The following ST3GAL4 variants were observed in gnomAD, a reference collection of about 807,000 sequenced individuals.
The protein encoded by ST3GAL4 is ST3 beta-galactoside alpha-2,3-sialyltransferase 4.
Under a neutral mutation model 42.6 loss-of-function variants are expected in ST3GAL4, and 24 were observed. That is an observed-to-expected ratio of 0.56 (90% confidence interval 0.41 to 0.79). ST3GAL4 has a LOEUF of 0.79. ST3GAL4 is among the 30% of genes least tolerant of loss of function. ST3GAL4 has a pLI of 0.00. For synonymous variants in ST3GAL4, 135 were observed against 163.2 expected (o/e 0.83, Z 1.32); for missense variants, 311 against 430.8 (o/e 0.72, Z 2.46).
At position 126,407,559 on chromosome 11, in the gene ST3GAL4, T is replaced by C; in HGVS notation, c.281-15T>C. ...TATCTGTCACATCAGTCCCTCCGCC[T>C]GGTACTTTTTGTAGAGGATCTGCTC... On this transcript the variant is annotated splice_polypyrimidine_tract_variant and intron_variant, in intron 5 of 10. Coordinates refer to ENST00000444328, the MANE Select transcript of ST3GAL4 (RefSeq NM_001254757.2). 6.2e-7 allele frequency: 1 copy of C among 1,614,128 alleles called. No homozygotes were observed. The highest frequency in any genetic ancestry group is 8.5e-7 in the Non-Finnish European group (1 of 1,179,986).
chr11:126,371,441 G>A (rs1952642673), intron 1 of ST3GAL4, among the ~76,000 whole-genome samples: 1 of 152,116 alleles, frequency 6.6e-6, no homozygotes. Flanking sequence ...GGGATTATAG[G>A]CGTGAGCCAC....
chr11:126,397,313 G>A lies in ST3GAL4; in HGVS notation c.-60-8783G>A, dbSNP rs935701589. Among the ~76,000 whole-genome samples, 12 of 152,080 alleles carry A rather than the reference G, an allele frequency of 7.9e-5. No individual in the cohort carries two copies. The highest frequency in any genetic ancestry group is 1.6e-4 in the Non-Finnish European group (11 of 68,036). On this transcript the variant is annotated intron_variant, in intron 1 of 10. Transcript: ENST00000444328. The surrounding 1 kb of genome is among the most constrained non-coding windows in gnomAD (Gnocchi z 5.0). ...AAAGCACAGAATGATATAACACAAA[G>A]TTACATTGTACCATAAAGCATATTC...
rs907922315 is a variant in ST3GAL4 at position 126,359,467 on chromosome 11, T to C, written c.-61+3625T>C. On this transcript the variant is annotated intron_variant, in intron 1 of 10. Coordinates refer to ENST00000444328, the MANE Select transcript of ST3GAL4 (RefSeq NM_001254757.2). This position sits in a 1 kb window ranked among gnomAD's most constrained non-coding sequence, Gnocchi z 4.8. ...CTGAGCTAGGACTCAAATCCAGGCT[T>C]GCTTCCAAAACCTTCACTTTTCAGC... Among the ~76,000 whole-genome samples, 3 of 152,182 alleles carry C rather than the reference T, an allele frequency of 2.0e-5. No homozygotes were observed. Among genetic ancestry groups the C allele is most frequent in the Non-Finnish European group, 4.4e-5 (3 of 68,022 alleles).
rs572259834 is a variant in ST3GAL4, at chr11:126,357,093, C to T, written c.-61+1251C>T. Among the ~76,000 whole-genome samples, 12 of 152,326 alleles carry T rather than the reference C, an allele frequency of 7.9e-5. No individual in the cohort carries two copies. The South Asian group carries it at 1.2e-3, about 16-fold the overall frequency. ...TGCCCGATAATTCTAGAGTGGGTTC[C>T]GGGGACGTGCCCGCTGTTTGGGGCC... On this transcript the variant is annotated intron_variant, in intron 1 of 10. Transcript: ENST00000444328.
Position 126,409,443 on chromosome 11 carries a change from G to A in ST3GAL4, c.771+32G>A, listed in dbSNP as rs1954420057. The A allele has an allele frequency of 6.2e-7, 1 of 1,613,948 alleles. No homozygotes were observed. Among genetic ancestry groups the A allele is most frequent in the Non-Finnish European group, 8.5e-7 (1 of 1,179,830 alleles). On this transcript the variant is annotated intron_variant, in intron 9 of 10. Coordinates refer to ENST00000444328, the MANE Select transcript of ST3GAL4 (RefSeq NM_001254757.2). The surrounding 1 kb of genome is among the most constrained non-coding windows in gnomAD (Gnocchi z 4.9). ...ATGGGAAGTCAGGCCTGAGGGCTAG[G>A]ATCCTGGGCGGGAAGTAGGAGGGAT...
intron 1 of ST3GAL4, among the ~76,000 whole-genome samples, chr11:126,367,821 T>TC (rs533581301): frequency 8.7e-4 from 132 of 152,290 alleles, no homozygotes; most frequent in African/African-American, 3.1e-3. Flanking sequence ...GAAAGAGTAA[T>TC]CCCACATCCA....
chr11:126,381,733 C>T (rs1953011980), intron 1 of ST3GAL4, among the ~76,000 whole-genome samples: 1 of 151,830 alleles, frequency 6.6e-6, no homozygotes, highest in Admixed American at 6.6e-5. Flanking sequence ...TGGGACCTGT[C>T]TGGGGTGAGG....
chr11:126,409,159 G>T lies in ST3GAL4; in HGVS notation c.628-109G>T. On this transcript the variant is annotated intron_variant, in intron 8 of 10. Coordinates refer to ENST00000444328, the MANE Select transcript of ST3GAL4 (RefSeq NM_001254757.2). The surrounding 1 kb of genome is among the most constrained non-coding windows in gnomAD (Gnocchi z 4.9). ...TTCCTCTCACCTTGTGCTCCTGAAG[G>T]CCTCTGCCATCGCTTGGACCCCCTC... 2 of 1,368,018 alleles carry T rather than the reference G, an allele frequency of 1.5e-6. No individual in the cohort carries two copies. Among genetic ancestry groups the T allele is most frequent in the South Asian group, 2.6e-5 (2 of 77,114 alleles). The allele number at this position is 1,368,018 out of a possible 1,614,324, so 84.7% of individuals were successfully genotyped here. A position where few individuals can be genotyped will look rare whatever the true frequency, so the allele number is the denominator to read the frequency against.
In ST3GAL4 at chr11:126,391,066, T is replaced by C. The variant is rs1398525185; in HGVS notation, c.-60-15030T>C. 6.6e-6 allele frequency among the ~76,000 whole-genome samples: 1 copy of C among 152,268 alleles called. No homozygotes were observed. Among genetic ancestry groups the C allele is most frequent in the Non-Finnish European group, 1.5e-5 (1 of 68,042 alleles). On this transcript the variant is annotated intron_variant, in intron 1 of 10. Coordinates refer to ENST00000444328, the MANE Select transcript of ST3GAL4 (RefSeq NM_001254757.2). The surrounding 1 kb of genome is among the most constrained non-coding windows in gnomAD (Gnocchi z 5.5). ...TTCCATTGTATGCGTAGACCACATT[T>C]TGTGGATCCGTTCATCCACTGATGG... is the stretch of plus-strand genomic sequence containing the variant.
chr11:126,361,991 C>G (rs1392252430), intron 1 of ST3GAL4, among the ~76,000 whole-genome samples: 1 of 150,598 alleles, frequency 6.6e-6, no homozygotes, highest in Non-Finnish European at 1.5e-5. Context: ...AAGTGATTCT[C>G]CTGCCTCAGC....
In ST3GAL4 at chr11:126,406,003, A is replaced by G; in HGVS notation, c.-60-93A>G. On this transcript the variant is annotated intron_variant, in intron 1 of 10. Coordinates refer to ENST00000444328, the MANE Select transcript of ST3GAL4 (RefSeq NM_001254757.2). The surrounding 1 kb of genome is among the most constrained non-coding windows in gnomAD (Gnocchi z 5.4). The stretch of plus-strand genomic sequence containing the variant: ...GGAGCAGCTTCCTGCTTTCTGGTGG[A>G]AGGGAGGGGCAGACAGTGGGTGTGT... 1 of 1,441,100 alleles carries G rather than the reference A, an allele frequency of 6.9e-7. No individual in the cohort carries two copies. The highest frequency in any genetic ancestry group is 1.2e-5 in the South Asian group (1 of 80,464). 89.3% of individuals were successfully genotyped at this position (1,441,100 alleles called of 1,614,324 possible).
chr11:126,407,616 TCC>T lies in ST3GAL4; in HGVS notation c.326_327del (p.Pro109GlnfsTer47). 6.2e-7 allele frequency: 1 copy of T among 1,614,076 alleles called. No individual in the cohort carries two copies. The highest frequency in any genetic ancestry group is 8.5e-7 in the Non-Finnish European group (1 of 1,180,016). ...GTGCTAGCCATCACCAGCTCCTCCA[TCC>T]CCAAGAACATCCAGAGGTAAGGCGG... On this transcript the variant is annotated frameshift_variant, in exon 6 of 11. Coordinates refer to ENST00000444328, the MANE Select transcript of ST3GAL4 (RefSeq NM_001254757.2). LOFTEE classifies it high-confidence loss of function.
chr11:126,391,936 C>CGTGT lies in ST3GAL4; in HGVS notation c.-60-14127_-60-14124dup, dbSNP rs111958228. Reference sequence around the variant, plus strand: ...CTCAGAACACCTGTGATAACTTGGTCGTGTGTGTGTGTGTGTGTGTGTGTG... The same window carrying CGTGT: ...CTCAGAACACCTGTGATAACTTGGTCGTGTGTGTGTGTGTGTGTGTGTGTGTGTG... On this transcript the variant is annotated intron_variant, in intron 1 of 10. Coordinates refer to ENST00000444328, the MANE Select transcript of ST3GAL4 (RefSeq NM_001254757.2). The surrounding 1 kb of genome is among the most constrained non-coding windows in gnomAD (Gnocchi z 5.5). Among the ~76,000 whole-genome samples, 5,240 of 144,392 alleles carry CGTGT rather than the reference C, an allele frequency of 0.036. 118 individuals are homozygous for CGTGT. Among genetic ancestry groups the CGTGT allele is most frequent in the Non-Finnish European group, 0.044 (2,883 of 66,094 alleles). The allele number at this position is 144,392 out of a possible 152,430, so 94.7% of individuals were successfully genotyped here.
chr11:126,363,123 C>T lies in ST3GAL4; in HGVS notation c.-61+7281C>T, dbSNP rs940897763. The stretch of plus-strand genomic sequence containing the variant: ...ACTGAATGAGGGGCTGGCCGAGGAG[C>T]GGGTGTTGATGGAGTATGGGAGATT... On this transcript the variant is annotated intron_variant, in intron 1 of 10. Coordinates refer to ENST00000444328, the MANE Select transcript of ST3GAL4 (RefSeq NM_001254757.2). The surrounding 1 kb of genome is among the most constrained non-coding windows in gnomAD (Gnocchi z 4.6). Among the ~76,000 whole-genome samples the T allele has an allele frequency of 1.2e-4, 19 of 152,170 alleles. No homozygotes were observed. The highest frequency in any genetic ancestry group is 4.6e-4 in the African/African-American group (19 of 41,444).
chr11:126,403,839 T>A (rs907926246), intron 1 of ST3GAL4, among the ~76,000 whole-genome samples: 38 of 152,166 alleles, frequency 2.5e-4, no homozygotes, highest in African/African-American at 9.2e-4. Flanking sequence ...AATCCCCGCC[T>A]GCCCTGCACC....
rs1389779109 is a variant in ST3GAL4, at chr11:126,382,278, GGGGCGGCCAGGA to G, written c.-60-23815_-60-23804del. On this transcript the variant is annotated intron_variant, in intron 1 of 10. Coordinates refer to ENST00000444328, the MANE Select transcript of ST3GAL4 (RefSeq NM_001254757.2). ...CTGGGCAGGAGGAAACAGCCATGCAGGGGCGGCCAGGAGGACTGGGTGGCGGGTGGTTCTGGG... is the reference window on the plus strand; with the variant it reads ...CTGGGCAGGAGGAAACAGCCATGCAGGGACTGGGTGGCGGGTGGTTCTGGG... Among the ~76,000 whole-genome samples the G allele has an allele frequency of 2.7e-5, 4 of 146,148 alleles. No homozygotes were observed. The East Asian group carries it at 8.0e-4, about 29-fold the overall frequency.
chr11:126,413,792 C>A, intron 10 of ST3GAL4, 144 bp downstream of exon 10: 1 of 1,407,730 alleles, frequency 7.1e-7, no homozygotes, highest in Non-Finnish European at 9.7e-7. Context: ...GACTCCCTGG[C>A]CAGCATCCTC....
rs1953763907 is a variant in ST3GAL4, at chr11:126,396,416, G to A, written c.-60-9680G>A. 1.3e-5 allele frequency among the ~76,000 whole-genome samples: 2 copies of A among 152,044 alleles called. No individual in the cohort carries two copies. Among genetic ancestry groups the A allele is most frequent in the South Asian group, 2.1e-4 (1 of 4,834 alleles). ...TGGGATGTGGCTGCAAAAAATGGTC[G>A]GATTCATGGAAGTCTGGTGTCCAGC... On this transcript the variant is annotated intron_variant, in intron 1 of 10. Transcript: ENST00000444328. This position sits in a 1 kb window ranked among gnomAD's most constrained non-coding sequence, Gnocchi z 5.8.
At position 126,411,178 on chromosome 11, in the gene ST3GAL4, C is replaced by T. The variant is rs971109843; in HGVS notation, c.771+1767C>T. On this transcript the variant is annotated intron_variant, in intron 9 of 10. Transcript: ENST00000444328. The surrounding 1 kb of genome is among the most constrained non-coding windows in gnomAD (Gnocchi z 6.3). ...TTTTTTTTTTTGAGATGGAGTCTTG[C>T]TCTGTCACCCAGGCTGGAGTGCAGT... Among the ~76,000 whole-genome samples the T allele has an allele frequency of 7.3e-5, 11 of 151,560 alleles. No individual in the cohort carries two copies. Among genetic ancestry groups the T allele is most frequent in the Non-Finnish European group, 1.6e-4 (11 of 67,864 alleles).
Sources: allele counts gnomAD v4.1 joint callset (sites outside exome capture counted in the v4.1 genomes callset), GRCh38; gene constraint gnomAD v4.1.1; non-coding constraint Gnocchi (gnomAD v3.1); transcripts MANE v1.5; gene names NCBI Gene and HGNC (gene_info 2026-07-23, HGNC 2026-07-21).